The following IL1RAPL1 variants were observed in gnomAD, a reference collection of about 807,000 sequenced individuals.
IL1RAPL1 encodes the protein interleukin-1 receptor accessory protein-like 1.
IL1RAPL1 carries 3 observed loss-of-function variants against 48.4 expected under a neutral mutation model. The observed-to-expected ratio is 0.06, with a 90% CI of 0.03 to 0.16. The LOEUF (loss-of-function observed/expected upper bound fraction) is 0.16, where lower values mean the gene tolerates loss of function less well. Among genes scored for constraint, IL1RAPL1 ranks in the 10% least tolerant of loss-of-function variants. The pLI, the probability that IL1RAPL1 is intolerant of heterozygous loss-of-function variation, is 1.00. For missense variants in IL1RAPL1, 349 were observed against 530.6 expected, an observed-to-expected ratio of 0.66 and a Z score of 3.36; for synonymous variants, 185 against 187.7, an observed-to-expected ratio of 0.99 and a Z score of 0.12.
intron 3 of IL1RAPL1, among the ~76,000 whole-genome samples, chrX:29,387,873 G>A (rs1341317727): frequency 9.2e-6 from 1 of 109,150 alleles, no homozygotes; most frequent in Non-Finnish European, 1.9e-5. Flanking sequence ...GGTGCCTGTA[G>A]TCCCAGCTAC....
Position 29,286,529 on chromosome X carries a change from CTG to C in IL1RAPL1, c.362+3314_362+3315del, listed in dbSNP as rs748452232. On this transcript the variant is annotated intron_variant, in intron 3 of 10. Transcript: ENST00000378993. The stretch of plus-strand genomic sequence containing the variant: ...AGACCCCGTGTCTACAAAAATGAAA[CTG>C]TTTAAAAATTAGCCTGGTGTGGTGG... Among the ~76,000 whole-genome samples the C allele has an allele frequency of 2.7e-5, 3 of 110,088 alleles. No homozygotes were observed. The East Asian group carries it at 8.6e-4, about 32-fold the overall frequency.
chrX:28,899,114 G>A (rs1328745025), intron 2 of IL1RAPL1, among the ~76,000 whole-genome samples: 1 of 111,342 alleles, frequency 9.0e-6, no homozygotes, highest in Non-Finnish European at 1.9e-5. Context: ...TTCTTCCCAA[G>A]GTGGCAGGAA....
intron 1 of IL1RAPL1, among the ~76,000 whole-genome samples, chrX:28,752,842 C>CTT (rs375879991): frequency 9.0e-6 from 1 of 111,389 alleles, no homozygotes; most frequent in African/African-American, 3.3e-5. Context: ...GGCATACTCT[C>CTT]TATTTTCAGT....
intron 8 of IL1RAPL1, among the ~76,000 whole-genome samples, chrX:29,931,137 C>G (rs1188769009): frequency 1.8e-5 from 2 of 110,049 alleles, no homozygotes; most frequent in Non-Finnish European, 3.8e-5. Context: ...CCAAAACATG[C>G]TCATTTTTTC....
intron 6 of IL1RAPL1, among the ~76,000 whole-genome samples, chrX:29,840,594 G>T (rs1442414319): frequency 1.8e-5 from 2 of 111,888 alleles, no homozygotes; most frequent in Admixed American, 1.9e-4. Context: ...GAACATACAA[G>T]GATTAATATA....
At chrX:28,915,555 C>T (rs1225226021) in intron 2 of IL1RAPL1, among the ~76,000 whole-genome samples, 1 of 111,399 alleles carries the variant, frequency 9.0e-6, no homozygotes, top group Non-Finnish European at 1.9e-5. Context: ...ATTTACTATT[C>T]CCAGAAACAC....
At chrX:29,144,825 C>A (rs998021138) in intron 2 of IL1RAPL1, among the ~76,000 whole-genome samples, 2 of 105,600 alleles carry the variant, frequency 1.9e-5, no homozygotes, top group Non-Finnish European at 3.9e-5. Context: ...CTCCCGGGTT[C>A]AAGGAATTCT....
intron 6 of IL1RAPL1, among the ~76,000 whole-genome samples, chrX:29,767,166 A>G (rs761721913): frequency 2.5e-4 from 28 of 111,631 alleles, no homozygotes; most frequent in African/African-American, 8.5e-4. Flanking sequence ...ATAGTTTCTG[A>G]TGTTTGTTTG....
At chrX:29,620,973 A>G (rs1307147802) in intron 5 of IL1RAPL1, among the ~76,000 whole-genome samples, 2 of 112,076 alleles carry the variant, frequency 1.8e-5, no homozygotes, top group African/African-American at 6.5e-5. Flanking sequence ...CTTTAAATAG[A>G]AAGAATTCTC....
intron 6 of IL1RAPL1, among the ~76,000 whole-genome samples, chrX:29,725,220 A>G (rs991603821): frequency 1.8e-5 from 2 of 111,346 alleles, no homozygotes; most frequent in African/African-American, 3.3e-5. Context: ...GAGGAAAAAT[A>G]AATTCTCATT....
chrX:29,501,693 C>A (rs931499151), intron 5 of IL1RAPL1, among the ~76,000 whole-genome samples: 1 of 110,593 alleles, frequency 9.0e-6, no homozygotes, highest in Non-Finnish European at 1.9e-5. Flanking sequence ...ATGTCAGCAC[C>A]ATGCTGATTT....
At chrX:29,218,732 G>T (rs1053064301) in intron 2 of IL1RAPL1, among the ~76,000 whole-genome samples, 1 of 111,924 alleles carries the variant, frequency 8.9e-6, no homozygotes, top group African/African-American at 3.2e-5. Flanking sequence ...TATCAAAGAA[G>T]GCAAAGAATA....
At chrX:29,741,094 G>T (rs910658559) in intron 6 of IL1RAPL1, among the ~76,000 whole-genome samples, 1 of 112,323 alleles carries the variant, frequency 8.9e-6, no homozygotes, top group Admixed American at 9.4e-5. Context: ...TCTTATATCT[G>T]TGTTACATTG....
At chrX:29,335,140 G>T (rs1176680389) in intron 3 of IL1RAPL1, among the ~76,000 whole-genome samples, 2 of 105,742 alleles carry the variant, frequency 1.9e-5, no homozygotes, top group Non-Finnish European at 4.0e-5. Context: ...AGTCAGGCGT[G>T]GCGTCGCAGG....
intron 2 of IL1RAPL1, among the ~76,000 whole-genome samples, chrX:29,278,528 G>T (rs892356408): frequency 8.9e-6 from 1 of 112,297 alleles, no homozygotes; most frequent in Middle Eastern, 4.2e-3. Context: ...CATCAGGGAA[G>T]GAGAGTACCA....
intron 6 of IL1RAPL1, among the ~76,000 whole-genome samples, chrX:29,883,560 C>T (rs1358811851): frequency 8.9e-6 from 1 of 112,195 alleles, no homozygotes; most frequent in Non-Finnish European, 1.9e-5. Flanking sequence ...TTCATATCTG[C>T]CCCCTTCGTT....
intron 1 of IL1RAPL1, among the ~76,000 whole-genome samples, chrX:28,688,122 AAG>A (rs1163169809): frequency 4.6e-5 from 5 of 108,898 alleles, no homozygotes; most frequent in African/African-American, 6.7e-5. Flanking sequence ...AAAAAAAAAA[AAG>A]AGAAAATATA....
rs191719363 is a variant in IL1RAPL1 at position 29,479,698 on chromosome X, C to T, written c.703+80390C>T. ...AACGTTCCCCCCCAGTCCCCAGAGT[C>T]CATTATATCACTCTGTGTGTCTTTG... is the stretch of plus-strand genomic sequence containing the variant. On this transcript the variant is annotated intron_variant, in intron 5 of 10. Transcript: ENST00000378993. 4.6e-3 allele frequency among the ~76,000 whole-genome samples: 503 copies of T among 109,554 alleles called. 3 individuals are homozygous for T. Among genetic ancestry groups the T allele is most frequent in the African/African-American group, 0.016 (483 of 30,033 alleles).
chrX:29,458,012 C>A (rs1041536307), intron 5 of IL1RAPL1, among the ~76,000 whole-genome samples: 1 of 111,781 alleles, frequency 8.9e-6, no homozygotes, highest in Non-Finnish European at 1.9e-5. Context: ...ACTCCTAACC[C>A]CAAGTGATCC....
Sources: gnomAD v4.1 joint callset for allele counts (sites outside exome capture counted in the v4.1 genomes callset) on GRCh38, gnomAD v4.1.1 for gene constraint, MANE v1.5 for transcripts, NCBI Gene and HGNC (gene_info 2026-07-23, HGNC 2026-07-21) for gene names.